The following MGAT4A variants were observed in gnomAD, a reference collection of about 807,000 sequenced individuals.
The protein encoded by MGAT4A is N-acetylglucosaminyltransferase IVa.
Under a neutral mutation model 74.1 loss-of-function variants are expected in MGAT4A, and 33 were observed. The ratio of observed to expected loss-of-function variants is 0.45; its 90% confidence interval spans 0.34 to 0.60. MGAT4A has a LOEUF of 0.60. Ranked by LOEUF, MGAT4A falls within the 20% of genes least tolerant of loss-of-function variation. The probability of loss-of-function intolerance (pLI) is 0.02; values close to 1 mark genes in which losing one functional copy is unlikely to be tolerated. For synonymous variants in MGAT4A, 198 were observed against 210.4 expected (o/e 0.94, Z 0.51); for missense variants, 479 against 628.3 (o/e 0.76, Z 2.54).
rs554522018 is a variant in MGAT4A, at chr2:98,630,215, A to C, written c.1469-4380T>G. 3.3e-5 allele frequency among the ~76,000 whole-genome samples: 5 copies of C among 152,352 alleles called. No homozygotes were observed. In the South Asian group the frequency reaches 1.0e-3, roughly 32 times the overall value. On this transcript the variant is annotated intron_variant, in intron 14 of 15. Transcript: ENST00000393487. ...ACATGTACACAAACTTTATGACCAG[A>C]GAACAGATCGTGCTGTCCACAGAAT...
intron 10 of MGAT4A, among the ~76,000 whole-genome samples, chr2:98,641,153 T>A (rs1239143411): frequency 6.6e-6 from 1 of 152,102 alleles, no homozygotes; most frequent in Non-Finnish European, 1.5e-5. Flanking sequence ...GACAAATATT[T>A]ATTTAGACTT....
At chr2:98,626,453 A>G (rs1015147412) in intron 14 of MGAT4A, among the ~76,000 whole-genome samples, 2 of 152,216 alleles carry the variant, frequency 1.3e-5, no homozygotes, top group African/African-American at 4.8e-5. Context: ...TTTTCTTGCT[A>G]TCAGGAATAA....
rs576273179 is a variant in MGAT4A, at chr2:98,625,569, G to A, written c.1605C>T (p.Asn535=). 6.2e-7 allele frequency: 1 copy of A among 1,609,562 alleles called. No homozygotes were observed. The highest frequency in any genetic ancestry group is 8.5e-7 in the Non-Finnish European group (1 of 1,178,610). ...AATGTGTTGGTTTCTCAGATGATCA[G>A]TTGGTGGCTTTTTTAATATGAATCT... ...LNEIHIKKAT[N] is the part of the protein sequence containing the mutation. Residue 535 remains asparagine (N), a synonymous_variant, in exon 16 of 16, where the codon AAC becomes AAT. Coordinates refer to ENST00000393487, the MANE Select transcript of MGAT4A (RefSeq NM_012214.3).
intron 4 of MGAT4A, among the ~76,000 whole-genome samples, chr2:98,673,139 T>C (rs1046109979): frequency 3.3e-5 from 5 of 152,122 alleles, no homozygotes; most frequent in African/African-American, 7.2e-5. Context: ...GTTCTGGGCA[T>C]TGAGAATCCC....
At chr2:98,673,796 C>G (rs1166164109) in intron 4 of MGAT4A, among the ~76,000 whole-genome samples, 1 of 151,874 alleles carries the variant, frequency 6.6e-6, no homozygotes, top group Non-Finnish European at 1.5e-5. Context: ...ACAAACAAAC[C>G]CACAACTACT....
chr2:98,627,439 G>C (rs956168886), intron 14 of MGAT4A, among the ~76,000 whole-genome samples: 2 of 151,972 alleles, frequency 1.3e-5, no homozygotes, highest in Non-Finnish European at 2.9e-5. Flanking sequence ...GCGATGGCAC[G>C]ATCTCGGCTC....
chr2:98,672,870 G>C (rs1443483339), intron 4 of MGAT4A, among the ~76,000 whole-genome samples: 3 of 151,716 alleles, frequency 2.0e-5, no homozygotes, highest in Admixed American at 1.3e-4. Context: ...TTGTGTTATG[G>C]GCAAGTTCTC....
At chr2:98,640,721 C>G (rs1358185932) in intron 10 of MGAT4A, among the ~76,000 whole-genome samples, 1 of 152,072 alleles carries the variant, frequency 6.6e-6, no homozygotes, top group Non-Finnish European at 1.5e-5. Context: ...TTGCTACTTC[C>G]TTGATAAATA....
At chr2:98,710,648 T>TG (rs1001544838) in intron 2 of MGAT4A, among the ~76,000 whole-genome samples, 21 of 152,140 alleles carry the variant, frequency 1.4e-4, no homozygotes, top group African/African-American at 5.1e-4. Flanking sequence ...TTAGTACAGA[T>TG]GGGGGGCGGG....
intron 2 of MGAT4A, among the ~76,000 whole-genome samples, chr2:98,712,910 C>G (rs766179394): frequency 6.6e-6 from 1 of 152,106 alleles, no homozygotes; most frequent in Non-Finnish European, 1.5e-5. Context: ...GCCTGTAATC[C>G]CAGCACTTTA....
intron 4 of MGAT4A, among the ~76,000 whole-genome samples, chr2:98,674,485 G>A (rs1250541070): frequency 6.6e-6 from 1 of 152,156 alleles, no homozygotes; most frequent in African/African-American, 2.4e-5. Flanking sequence ...AACAAAAAGA[G>A]TGGTAAATAG....
At chr2:98,702,794 C>A (rs1052700496) in intron 2 of MGAT4A, among the ~76,000 whole-genome samples, 1 of 152,154 alleles carries the variant, frequency 6.6e-6, no homozygotes, top group African/African-American at 2.4e-5. Context: ...AAGAACTAAT[C>A]AAAACGGAAG....
rs1701080558 is a variant in MGAT4A, at chr2:98,622,813, T to C, written c.*2753A>G. 4.1e-6 allele frequency: 4 copies of C among 985,472 alleles called. No individual in the cohort carries two copies. The highest frequency in any genetic ancestry group is 3.6e-6 in the Non-Finnish European group (3 of 830,050). 61.0% of individuals were successfully genotyped at this position (985,472 alleles called of 1,614,324 possible). A position where few individuals can be genotyped will look rare whatever the true frequency, so the allele number is the denominator to read the frequency against. ...AAACAATCAAAAACTAGACAACCGATTGTGTATGCAAGAGTATGGCAACGA... is the reference window on the plus strand; with the variant it reads ...AAACAATCAAAAACTAGACAACCGACTGTGTATGCAAGAGTATGGCAACGA... On this transcript the variant is annotated 3_prime_UTR_variant, in exon 16 of 16. Transcript: ENST00000393487.
rs773103183 is a variant in MGAT4A at position 98,682,260 on chromosome 2, T to TA, written c.95-3790dup. ...CAACAAGGAGAAATCCCGTCTCTAC[T>TA]AAAAATACAAAATTAGCTGGACATA... On this transcript the variant is annotated intron_variant, in intron 2 of 15. Coordinates refer to ENST00000393487, the MANE Select transcript of MGAT4A (RefSeq NM_012214.3). 8.4e-4 allele frequency among the ~76,000 whole-genome samples: 127 copies of TA among 151,886 alleles called. 1 individual carries two copies. Among genetic ancestry groups the TA allele is most frequent in the Non-Finnish European group, 1.4e-3 (96 of 67,938 alleles).
At chr2:98,660,461 A>AC (rs1701732743) in intron 5 of MGAT4A, among the ~76,000 whole-genome samples, 1 of 119,600 alleles carries the variant, frequency 8.4e-6, no homozygotes, top group Admixed American at 8.4e-5. Flanking sequence ...CACACACAAC[A>AC]AATAGCCAAG....
intron 8 of MGAT4A, among the ~76,000 whole-genome samples, chr2:98,653,064 A>G (rs1199760836): frequency 1.3e-5 from 2 of 152,070 alleles, no homozygotes; most frequent in Admixed American, 6.5e-5. Flanking sequence ...TAAACAACCA[A>G]TGGGTCAAAG....
chr2:98,693,945 A>G (rs1203480909), intron 2 of MGAT4A, among the ~76,000 whole-genome samples: 4 of 152,222 alleles, frequency 2.6e-5, no homozygotes, highest in African/African-American at 9.6e-5. Context: ...GAAGGAACAA[A>G]CTACAAAGAA....
intron 8 of MGAT4A, among the ~76,000 whole-genome samples, chr2:98,651,229 TC>T (rs763687161): frequency 6.7e-4 from 102 of 152,172 alleles, no homozygotes; most frequent in Admixed American, 7.2e-4. Flanking sequence ...AATATAAAAC[TC>T]CCTGGTAAAG....
At chr2:98,700,235 C>T (rs1363272503) in intron 2 of MGAT4A, among the ~76,000 whole-genome samples, 1 of 151,794 alleles carries the variant, frequency 6.6e-6, no homozygotes, top group East Asian at 1.9e-4. Flanking sequence ...GGCTATAGTC[C>T]TTAGCAAGAC....
Sources: allele counts gnomAD v4.1 joint callset (sites outside exome capture counted in the v4.1 genomes callset), GRCh38; gene constraint gnomAD v4.1.1; transcripts MANE v1.5; gene names NCBI Gene and HGNC (gene_info 2026-07-23, HGNC 2026-07-21).